EPHA5: variants seen among roughly 807,000 people sequenced by gnomAD.
EPHA5 encodes the protein EPH receptor A5.
EPHA5 carries 60 observed loss-of-function variants against 105.0 expected under a neutral mutation model. The ratio of observed to expected loss-of-function variants is 0.57; its 90% CI spans 0.46 to 0.71. The LOEUF is 0.71. Ranked by LOEUF, EPHA5 falls within the 30% of genes least tolerant of loss-of-function variation. EPHA5 has a pLI of 0.00. For missense variants in EPHA5, 1,218 were observed against 1,274.7 expected (o/e 0.96, Z 0.68); for synonymous variants, 513 against 449.1 (o/e 1.14, Z -1.80).
intron 5 of EPHA5, among the ~76,000 whole-genome samples, chr4:65,438,496 C>T (rs975238803): frequency 2.6e-5 from 4 of 151,422 alleles, no homozygotes; most frequent in Admixed American, 1.3e-4. Flanking sequence ...GAAAGGCCTC[C>T]CCACATTTGA....
rs543652010 is a variant in EPHA5 at position 65,448,345 on chromosome 4, A to G, written c.1403-27780T>C. Among the ~76,000 whole-genome samples the G allele has an allele frequency of 2.2e-4, 34 of 152,138 alleles. 1 individual carries two copies. Among genetic ancestry groups the G allele is most frequent in the African/African-American group, 8.2e-4 (34 of 41,542 alleles). ...ATTGTAATTATTATATTTATTATTA[A>G]AAAACAAAAATACATTTTAGGGCTG... On this transcript the variant is annotated intron_variant, in intron 5 of 16. Transcript: ENST00000613740.
intron 3 of EPHA5, among the ~76,000 whole-genome samples, chr4:65,584,251 C>T (rs990692544): frequency 1.3e-5 from 2 of 151,926 alleles, no homozygotes; most frequent in Admixed American, 6.6e-5. Flanking sequence ...TGTTTCTCTT[C>T]TGTGACTAAA....
chr4:65,666,809 C>G (rs1265477012), intron 1 of EPHA5, among the ~76,000 whole-genome samples: 2 of 152,176 alleles, frequency 1.3e-5, no homozygotes, highest in African/African-American at 4.8e-5. Flanking sequence ...CATTTCATAT[C>G]AGTCCAAAAT....
intron 5 of EPHA5, 82 bp from the exon 6 acceptor site, chr4:65,420,647 A>G: frequency 7.6e-7 from 1 of 1,314,252 alleles, no homozygotes; most frequent in South Asian, 1.6e-5. Context: ...GTATATTGGC[A>G]TTTTGAGAAC....
intron 3 of EPHA5, among the ~76,000 whole-genome samples, chr4:65,565,676 G>A (rs1323650741): frequency 6.7e-6 from 1 of 149,554 alleles, no homozygotes; most frequent in Non-Finnish European, 1.5e-5. Context: ...AAGAATAGCA[G>A]ACAAAAATAG....
intron 1 of EPHA5, among the ~76,000 whole-genome samples, chr4:65,650,988 G>A (rs1254013162): frequency 6.6e-6 from 1 of 152,058 alleles, no homozygotes; most frequent in Non-Finnish European, 1.5e-5. Flanking sequence ...CAGCAAAAAT[G>A]AACTTATTTC....
At chr4:65,631,935 T>A (rs575543163) in intron 2 of EPHA5, among the ~76,000 whole-genome samples, 21 of 151,548 alleles carry the variant, frequency 1.4e-4, no homozygotes, top group Admixed American at 1.2e-3. Context: ...AAAGAACAAA[T>A]AATGCATGTA....
intron 13 of EPHA5, 89 bp from the exon 14 acceptor site, chr4:65,348,292 A>T (rs554554846): frequency 1.7e-6 from 2 of 1,201,436 alleles, no homozygotes; most frequent in East Asian, 2.5e-5. Flanking sequence ...CTAGACAGAG[A>T]TGTAGCATTT....
chr4:65,619,822 T>G (rs1453129948), intron 2 of EPHA5, among the ~76,000 whole-genome samples: 2 of 151,934 alleles, frequency 1.3e-5, no homozygotes, highest in African/African-American at 2.4e-5. Context: ...AAAATTAGCT[T>G]AGAATTTTTA....
At chr4:65,367,597 G>A (rs571199228) in intron 8 of EPHA5, among the ~76,000 whole-genome samples, 173 bp from the exon 9 acceptor site, 1 of 152,166 alleles carries the variant, frequency 6.6e-6, no homozygotes, top group African/African-American at 2.4e-5. Flanking sequence ...TCCCTAACCA[G>A]TGTTTCTCAC....
At chr4:65,645,499 T>C (rs1748037015) in intron 1 of EPHA5, among the ~76,000 whole-genome samples, 1 of 152,148 alleles carries the variant, frequency 6.6e-6, no homozygotes, top group African/African-American at 2.4e-5. Context: ...ACAGCATTCC[T>C]TGTAGACCTC....
chr4:65,420,714 G>T (rs1723868146), intron 5 of EPHA5, 149 bp from the exon 6 acceptor site: 2 of 617,936 alleles, frequency 3.2e-6, no homozygotes, highest in Non-Finnish European at 2.5e-6. Context: ...AAGGTTTAAA[G>T]ATTGTGAAGA....
At chr4:65,577,726 C>T (rs936766773) in intron 3 of EPHA5, among the ~76,000 whole-genome samples, 1 of 151,940 alleles carries the variant, frequency 6.6e-6, no homozygotes, top group Non-Finnish European at 1.5e-5. Flanking sequence ...GCAGAAATGC[C>T]ACTAATGACC....
At chr4:65,653,784 C>A (rs1168469794) in intron 1 of EPHA5, among the ~76,000 whole-genome samples, 1 of 151,994 alleles carries the variant, frequency 6.6e-6, no homozygotes, top group Non-Finnish European at 1.5e-5. Flanking sequence ...AAAGTACTTT[C>A]ATTTTTCTGT....
At chr4:65,595,647 C>T (rs1743099847) in intron 3 of EPHA5, among the ~76,000 whole-genome samples, 1 of 149,358 alleles carries the variant, frequency 6.7e-6, no homozygotes, top group Non-Finnish European at 1.5e-5. Context: ...GTGGCGCGAT[C>T]TCCACTCACT....
intron 3 of EPHA5, among the ~76,000 whole-genome samples, chr4:65,528,156 G>A (rs981432686): frequency 1.4e-5 from 2 of 146,718 alleles, no homozygotes; most frequent in African/African-American, 5.0e-5. Flanking sequence ...TAATGAGAGA[G>A]AAAAAGCTTG....
In EPHA5 at chr4:65,450,496, G is replaced by A. The variant is rs560771161; in HGVS notation, c.1403-29931C>T. ...CCACCCATGACCATTATGCTGAGGG[G>A]CATAGATCCAGACCAATGTAAAATC... On this transcript the variant is annotated intron_variant, in intron 5 of 16. Coordinates refer to ENST00000613740, the MANE Select transcript of EPHA5 (RefSeq NM_001281766.3). 7.2e-5 allele frequency among the ~76,000 whole-genome samples: 11 copies of A among 152,224 alleles called. 1 individual carries two copies. In the South Asian group the frequency reaches 2.1e-3, roughly 29 times the overall value.
intron 8 of EPHA5, among the ~76,000 whole-genome samples, chr4:65,384,413 G>T (rs1006810693): frequency 6.6e-6 from 1 of 151,914 alleles, no homozygotes. Flanking sequence ...AGACCAAATG[G>T]TTAGAACCTA....
rs143822982 is a variant in EPHA5 at position 65,347,672 on chromosome 4, A to C, written c.2595+382T>G. Reference sequence around the variant, plus strand: ...CATCCACTATTAAATCAATATCATCATCCTATTGGTTTGGAGTATTAGCTG... The same window carrying C: ...CATCCACTATTAAATCAATATCATCCTCCTATTGGTTTGGAGTATTAGCTG... On this transcript the variant is annotated intron_variant, in intron 14 of 16. Transcript: ENST00000613740. Among the ~76,000 whole-genome samples the C allele has an allele frequency of 2.6e-3, 403 of 152,296 alleles. 4 individuals carry two copies. The highest frequency in any genetic ancestry group is 9.2e-3 in the African/African-American group (383 of 41,572).
Sources: allele counts gnomAD v4.1 joint callset (sites outside exome capture counted in the v4.1 genomes callset), GRCh38; gene constraint gnomAD v4.1.1; transcripts MANE v1.5; gene names NCBI Gene and HGNC (gene_info 2026-07-23, HGNC 2026-07-21).